RCOR3: variants seen among roughly 807,000 people sequenced by gnomAD.
RCOR3 encodes REST corepressor 3.
A neutral mutation model predicts 64.1 loss-of-function variants in RCOR3; 13 were observed. The observed-to-expected ratio is 0.20, with a 90% CI of 0.13 to 0.32. The LOEUF is 0.32. Ranked by LOEUF, RCOR3 falls within the 10% of genes least tolerant of loss-of-function variation. The probability of loss-of-function intolerance (pLI) is 1.00; values close to 1 mark genes in which losing one functional copy is unlikely to be tolerated. For missense variants in RCOR3, 489 were observed against 701.2 expected (o/e 0.70, Z 3.42); for synonymous variants, 215 against 239.0 (o/e 0.90, Z 0.93).
At chr1:211,286,901 T>C (rs1400990542) in intron 7 of RCOR3, among the ~76,000 whole-genome samples, 1 of 152,250 alleles carries the variant, frequency 6.6e-6, no homozygotes, top group Non-Finnish European at 1.5e-5. Context: ...GGGCTTTCTT[T>C]GAAAATAATT....
intron 5 of RCOR3, among the ~76,000 whole-genome samples, 174 bp from the exon 6 acceptor site, chr1:211,277,943 C>T (rs1393328826): frequency 2.0e-5 from 3 of 152,112 alleles, no homozygotes; most frequent in Non-Finnish European, 4.4e-5. Context: ...TCAGAAATGT[C>T]AGTGAAATTG....
At chr1:211,267,733 A>G (rs1177992544) in intron 2 of RCOR3, 3 of 282,534 alleles carry the variant, frequency 1.1e-5, no homozygotes, top group South Asian at 8.3e-5. Context: ...TTGGGACTAC[A>G]GGTGCACACG....
intron 3 of RCOR3, 105 bp from the exon 4 acceptor site, chr1:211,274,105 C>A (rs550519950): frequency 3.0e-6 from 2 of 670,954 alleles, no homozygotes; most frequent in African/African-American, 1.9e-5. Flanking sequence ...TTTTTTTTTA[C>A]CCTGGAATAT....
chr1:211,291,509 T>C, intron 8 of RCOR3: 1 of 452,894 alleles, frequency 2.2e-6, no homozygotes, highest in East Asian at 7.0e-5. Context: ...TGTTTTGATT[T>C]GGTACTATCC....
intron 9 of RCOR3, among the ~76,000 whole-genome samples, chr1:211,298,852 A>G (rs1458362032): frequency 6.6e-6 from 1 of 152,026 alleles, no homozygotes; most frequent in Non-Finnish European, 1.5e-5. Context: ...TAAAAATACA[A>G]AAAAATTAGC....
At chr1:211,285,573 C>T (rs141116948) in intron 7 of RCOR3, among the ~76,000 whole-genome samples, 12 of 152,322 alleles carry the variant, frequency 7.9e-5, no homozygotes, top group African/African-American at 2.6e-4. Flanking sequence ...GGAATATAGA[C>T]CCCTGCTTCC....
intron 10 of RCOR3, among the ~76,000 whole-genome samples, chr1:211,308,716 ATTT>A (rs34691206): frequency 1.2e-5 from 1 of 82,276 alleles, no homozygotes; most frequent in Non-Finnish European, 2.2e-5. Context: ...TCCAAAATCA[ATTT>A]TTTTTTTTTT....
At position 211,309,671 on chromosome 1, in the gene RCOR3, T is replaced by C. The variant is rs369992242; in HGVS notation, c.1076-3049T>C. Among the ~76,000 whole-genome samples the C allele has an allele frequency of 2.0e-5, 3 of 152,370 alleles. No homozygotes were observed. The East Asian group carries it at 5.8e-4, about 29-fold the overall frequency. On this transcript the variant is annotated intron_variant, in intron 10 of 11. Coordinates refer to ENST00000419091, the MANE Select transcript of RCOR3 (RefSeq NM_001136223.3). ...CCTTTTACATCTTCAGGAAGAGAGA[T>C]TGACTTAATCATATTTAACTCCCTT... is the stretch of plus-strand genomic sequence containing the variant.
chr1:211,305,732 T>A (rs528410113), intron 10 of RCOR3, among the ~76,000 whole-genome samples: 8 of 152,334 alleles, frequency 5.3e-5, no homozygotes, highest in Middle Eastern at 3.4e-3. Flanking sequence ...ATTTAAGTTA[T>A]AGAGTCCATT....
At position 211,313,867 on chromosome 1, in the gene RCOR3, A is replaced by G. The variant is rs1251004498; in HGVS notation, c.*99A>G. 2 of 1,149,804 alleles carry G rather than the reference A, an allele frequency of 1.7e-6. No homozygotes were observed. The highest frequency in any genetic ancestry group is 2.4e-6 in the Non-Finnish European group (2 of 819,180). 71.2% of individuals were successfully genotyped at this position (1,149,804 alleles called of 1,614,324 possible). ...GAGGAAAGAATAATCATTTCTAGAT[A>G]CTGAGGCTGCGAACTAGTTCTGTGG... On this transcript the variant is annotated 3_prime_UTR_variant, in exon 12 of 12. Coordinates refer to ENST00000419091, the MANE Select transcript of RCOR3 (RefSeq NM_001136223.3). The surrounding 1 kb of genome is among the most constrained non-coding windows in gnomAD (Gnocchi z 4.7).
rs372387949 is a variant in RCOR3, at chr1:211,311,756, T to C, written c.1076-964T>C. Among the ~76,000 whole-genome samples the C allele has an allele frequency of 2.0e-5, 3 of 152,304 alleles. No homozygotes were observed. In the East Asian group the frequency reaches 5.8e-4, roughly 29 times the overall value. On this transcript the variant is annotated intron_variant, in intron 10 of 11. Coordinates refer to ENST00000419091, the MANE Select transcript of RCOR3 (RefSeq NM_001136223.3). ...AAATTATAAAAATTTTCAGCAACTT[T>C]TCTATTTTGAGCTAAGTGCATCTCC...
Position 211,268,634 on chromosome 1 carries a change from C to G in RCOR3, c.224-2598C>G, listed in dbSNP as rs1275369748. Among the ~76,000 whole-genome samples the G allele has an allele frequency of 2.0e-5, 3 of 152,046 alleles. No homozygotes were observed. In the South Asian group the frequency reaches 6.2e-4, roughly 31 times the overall value. ...TCAGGTGATCCGTCCACCTCGGCCTCTCAAAGTGCTGGGATTATAGACTTG... is the reference window on the plus strand; with the variant it reads ...TCAGGTGATCCGTCCACCTCGGCCTGTCAAAGTGCTGGGATTATAGACTTG... On this transcript the variant is annotated intron_variant, in intron 2 of 11. Transcript: ENST00000419091.
At chr1:211,294,751 G>A (rs943267573) in intron 8 of RCOR3, among the ~76,000 whole-genome samples, 8 of 151,884 alleles carry the variant, frequency 5.3e-5, no homozygotes, top group East Asian at 1.9e-4. Context: ...CACCACGCCC[G>A]GCTAATTTTT....
chr1:211,304,972 C>T (rs1368359802), intron 10 of RCOR3, among the ~76,000 whole-genome samples: 1 of 148,500 alleles, frequency 6.7e-6, no homozygotes, highest in East Asian at 1.9e-4. Flanking sequence ...GTGCTAATAG[C>T]TTTTTTTTTT....
intron 3 of RCOR3, among the ~76,000 whole-genome samples, chr1:211,272,767 G>A (rs1180795189): frequency 6.7e-6 from 1 of 149,206 alleles, no homozygotes; most frequent in African/African-American, 2.4e-5. Context: ...GACTACAGGC[G>A]CCCGCCACTA....
intron 8 of RCOR3, among the ~76,000 whole-genome samples, chr1:211,295,270 A>T (rs1413604140): frequency 6.6e-6 from 1 of 151,932 alleles, no homozygotes; most frequent in African/African-American, 2.4e-5. Context: ...AAGGACTGAG[A>T]ATGATGTTTT....
intron 2 of RCOR3, among the ~76,000 whole-genome samples, chr1:211,265,762 G>C (rs540910765): frequency 1.3e-5 from 2 of 152,202 alleles, no homozygotes; most frequent in South Asian, 2.1e-4. Flanking sequence ...TTGATCACCT[G>C]TGAGTAAGGT....
At chr1:211,306,304 T>TA (rs1700845909) in intron 10 of RCOR3, among the ~76,000 whole-genome samples, 2 of 152,092 alleles carry the variant, frequency 1.3e-5, no homozygotes, top group Admixed American at 6.5e-5. Context: ...GGTCTTTTAA[T>TA]ACACAGTTTA....
intron 2 of RCOR3, among the ~76,000 whole-genome samples, chr1:211,270,898 C>T (rs375658259): frequency 3.3e-5 from 5 of 151,734 alleles, no homozygotes; most frequent in Non-Finnish European, 5.9e-5. Flanking sequence ...CTCTTTCACC[C>T]AGGCTGGAGT....
Sources: allele counts gnomAD v4.1 joint callset (sites outside exome capture counted in the v4.1 genomes callset), GRCh38; gene constraint gnomAD v4.1.1; non-coding constraint Gnocchi (gnomAD v3.1); transcripts MANE v1.5; gene names NCBI Gene and HGNC (gene_info 2026-07-23, HGNC 2026-07-21).